Variants in CYP4F3 observed in about 807,000 individuals in gnomAD.
The protein encoded by CYP4F3 is cytochrome P450 family 4 subfamily F member 3.
In CYP4F3, 50 loss-of-function variants were observed where a neutral mutation model predicts 54.8. The observed-to-expected ratio is 0.91, with a 90% CI of 0.73 to 1.16. The LOEUF (loss-of-function observed/expected upper bound fraction) is 1.16, where lower values mean the gene tolerates loss of function less well. Among genes scored for constraint, CYP4F3 ranks in the 50% most tolerant of loss-of-function variants. CYP4F3 has a pLI of 0.00. For missense variants in CYP4F3, 715 were observed against 676.2 expected (o/e 1.06, Z -0.64); for synonymous variants, 244 against 262.6 (o/e 0.93, Z 0.69).
At chr19:15,647,370 G>A (rs758036962) in intron 5 of CYP4F3, 46 bp downstream of exon 5, 2 of 1,612,098 alleles carry the variant, frequency 1.2e-6, no homozygotes, top group South Asian at 2.2e-5. Context: ...TTTGGTTGGG[G>A]GGAACCACAG....
Position 15,662,234 on chromosome 19 carries a change from G to T in CYP4F3, c.*2849G>T, listed in dbSNP as rs1343802987. 4 of 123,644 alleles carry T rather than the reference G, an allele frequency of 3.2e-5. No individual in the cohort carries two copies. Among genetic ancestry groups the T allele is most frequent in the Admixed American group, 2.1e-4 (2 of 9,594 alleles). The allele number at this position is 123,644 out of a possible 1,614,324, so 7.7% of individuals were successfully genotyped here. Reference sequence around the variant, plus strand: ...TTCAGTGAGCCGAGATTGTGCCACTGCACTCCAGCCTGGGTGAAAGAGCTA... The same window carrying T: ...TTCAGTGAGCCGAGATTGTGCCACTTCACTCCAGCCTGGGTGAAAGAGCTA... On this transcript the variant is annotated 3_prime_UTR_variant, in exon 13 of 13. Coordinates refer to ENST00000221307, the MANE Select transcript of CYP4F3 (RefSeq NM_000896.3).
chr19:15,648,875 C>T (rs1972704001), intron 5 of CYP4F3, among the ~76,000 whole-genome samples: 1 of 152,162 alleles, frequency 6.6e-6, no homozygotes, highest in South Asian at 2.1e-4. Flanking sequence ...TCCTGAATAT[C>T]TGACAGGTGG....
At chr19:15,643,397 TATAGGTAAATAG>T (rs1431252419) in intron 2 of CYP4F3, among the ~76,000 whole-genome samples, 135 of 141,164 alleles carry the variant, frequency 9.6e-4, no homozygotes, top group African/African-American at 3.4e-3. Flanking sequence ...TAGAGATATA[TATAGGTAAATAG>T]ATAGATAGAT....
At chr19:15,655,996 G>T (rs774530352) in intron 9 of CYP4F3, among the ~76,000 whole-genome samples, 2 of 152,076 alleles carry the variant, frequency 1.3e-5, no homozygotes, top group African/African-American at 2.4e-5. Flanking sequence ...CACCAGGCTG[G>T]GCAGCAGATC....
At chr19:15,646,938 C>T in intron 3 of CYP4F3, 114 bp from the exon 4 acceptor site, 1 of 1,457,488 alleles carries the variant, frequency 6.9e-7, no homozygotes, top group Non-Finnish European at 9.4e-7. Context: ...CCTCTTCTTG[C>T]TATGTGGGGC....
chr19:15,655,332 C>T (rs904078410), intron 9 of CYP4F3, among the ~76,000 whole-genome samples: 5 of 152,088 alleles, frequency 3.3e-5, no homozygotes, highest in African/African-American at 9.7e-5. Context: ...GTTGATTCTT[C>T]GCTTTGTTGA....
At position 15,649,959 on chromosome 19, in the gene CYP4F3, G is replaced by C. The variant is rs769018138; in HGVS notation, c.694G>C (p.Val232Leu). ...CGCCATCTTGGAGCTCAGTGCCCTT[G>C]TGACAAAAAGACACCAGCAGATCCT... ...IAAILELSAL[V>L]TKRHQQILLY... The change falls in exon 7 of 13, where the codon GTG becomes CTG. Residue 232 changes from valine (V) to leucine (L), a missense_variant. Transcript: ENST00000221307. The C allele has an allele frequency of 3.7e-5, 59 of 1,614,008 alleles. No individual in the cohort carries two copies. Among genetic ancestry groups the C allele is most frequent in the Non-Finnish European group, 4.4e-5 (52 of 1,180,016 alleles).
rs1163701920 is a variant in CYP4F3 at position 15,649,970 on chromosome 19, A to G, written c.705A>G (p.Arg235=). 7.4e-6 allele frequency: 12 copies of G among 1,614,134 alleles called. No individual in the cohort carries two copies. The highest frequency in any genetic ancestry group is 1.0e-5 in the Non-Finnish European group (12 of 1,180,022). ...ILELSALVTK[R]HQQILLYIDF... is the part of the protein sequence containing the mutation. ...AGCTCAGTGCCCTTGTGACAAAAAG[A>G]CACCAGCAGATCCTCCTGTACATAG... The change falls in exon 7 of 13, where the codon AGA becomes AGG. Residue 235 remains arginine, a synonymous_variant. Transcript: ENST00000221307.
chr19:15,652,031 A>G (rs1047053069), intron 7 of CYP4F3, among the ~76,000 whole-genome samples: 2 of 151,626 alleles, frequency 1.3e-5, no homozygotes, highest in Admixed American at 6.6e-5. Context: ...AAGGCACCCT[A>G]TATTATGAGT....
intron 2 of CYP4F3, chr19:15,644,045 G>T: frequency 1.3e-6 from 2 of 1,583,530 alleles, no homozygotes; most frequent in Non-Finnish European, 8.6e-7. Flanking sequence ...TGTCATCAAC[G>T]CCTCAGGTAC....
In CYP4F3 at chr19:15,661,303, A is replaced by AAAACAAAACAAAAC. The variant is rs1568406494; in HGVS notation, c.*1918_*1919insAAACAAAACAAAAC. The AAAACAAAACAAAAC allele has an allele frequency of 3.3e-5, 5 of 151,324 alleles. No individual in the cohort carries two copies. The highest frequency in any genetic ancestry group is 9.8e-5 in the African/African-American group (4 of 41,000). 9.4% of individuals were successfully genotyped at this position (151,324 alleles called of 1,614,324 possible). A position where few individuals can be genotyped will look rare whatever the true frequency, so the allele number is the denominator to read the frequency against. The stretch of plus-strand genomic sequence containing the variant: ...CAAAACAAAACAAAACAAAACAAAA[A>AAAACAAAACAAAAC]CAAAACAAAACAAAACAAAACACTG... On this transcript the variant is annotated 3_prime_UTR_variant, in exon 13 of 13. Coordinates refer to ENST00000221307, the MANE Select transcript of CYP4F3 (RefSeq NM_000896.3).
chr19:15,652,843 G>A lies in CYP4F3; in HGVS notation c.1006G>A (p.Gly336Ser), dbSNP rs1270928930. 1.2e-6 allele frequency: 2 copies of A among 1,612,982 alleles called. No individual in the cohort carries two copies. Among genetic ancestry groups the A allele is most frequent in the Non-Finnish European group, 1.7e-6 (2 of 1,179,518 alleles). ...CCCAGGCCATGACACCACAGCCAGT[G>A]GTCTCTCCTGGGTCCTGTACCACCT... ...MFEGHDTTASGLSWVLYHLAK... is the reference protein window; with the variant it reads ...MFEGHDTTASSLSWVLYHLAK... The change falls in exon 9 of 13, where the codon GGT (glycine) becomes AGT (serine). Residue 336 changes from glycine to serine, a missense_variant. By Grantham distance (56) the Gly-to-Ser change is moderately conservative. Coordinates refer to ENST00000221307, the MANE Select transcript of CYP4F3 (RefSeq NM_000896.3).
intron 11 of CYP4F3, 30 bp from the exon 12 acceptor site, chr19:15,658,697 C>T: frequency 6.2e-7 from 1 of 1,613,014 alleles, no homozygotes; most frequent in Non-Finnish European, 8.5e-7. Context: ...GGAGACCCCA[C>T]CCGGCAACCC....
In CYP4F3 at chr19:15,660,492, A is replaced by G. The variant is rs914167291; in HGVS notation, c.*1107A>G. The G allele has an allele frequency of 4.6e-5, 7 of 152,062 alleles. No homozygotes were observed. The highest frequency in any genetic ancestry group is 1.0e-4 in the Non-Finnish European group (7 of 68,020). 9.4% of individuals were successfully genotyped at this position (152,062 alleles called of 1,614,324 possible). A position where few individuals can be genotyped will look rare whatever the true frequency, so the allele number is the denominator to read the frequency against. On this transcript the variant is annotated 3_prime_UTR_variant, in exon 13 of 13. Transcript: ENST00000221307. The stretch of plus-strand genomic sequence containing the variant: ...AGGTGACATTTTAGCTTTCCCAGGT[A>G]AAAGTGGTTTTCATCCTCACACCAA...
chr19:15,658,133 G>A (rs1973076811), intron 9 of CYP4F3, 131 bp from the exon 10 acceptor site: 4 of 1,541,250 alleles, frequency 2.6e-6, no homozygotes, highest in African/African-American at 2.8e-5. Flanking sequence ...TTATTCCTGC[G>A]ACTTTGTAAC....
chr19:15,649,784 T>A, intron 6 of CYP4F3, 129 bp from the exon 7 acceptor site: 7 of 1,315,530 alleles, frequency 5.3e-6, no homozygotes, highest in Non-Finnish European at 7.4e-6. Flanking sequence ...CCATCCTGCA[T>A]CTGAGGGGCC....
chr19:15,647,367 G>A, intron 5 of CYP4F3, 43 bp downstream of exon 5: 3 of 1,612,070 alleles, frequency 1.9e-6, no homozygotes, highest in Non-Finnish European at 2.5e-6. Flanking sequence ...GCCTTTGGTT[G>A]GGGGGAACCA....
intron 2 of CYP4F3, among the ~76,000 whole-genome samples, chr19:15,643,613 G>A (rs968262447): frequency 6.6e-6 from 1 of 152,098 alleles, no homozygotes; most frequent in South Asian, 2.1e-4. Context: ...GGCCTGAGAC[G>A]GTGGAGTTCT....
chr19:15,657,336 G>A lies in CYP4F3; in HGVS notation c.1116-928G>A, dbSNP rs546232207. Among the ~76,000 whole-genome samples, 4 of 152,288 alleles carry A rather than the reference G, an allele frequency of 2.6e-5. No homozygotes were observed. The East Asian group carries it at 7.7e-4, about 29-fold the overall frequency. On this transcript the variant is annotated intron_variant, in intron 9 of 12. Coordinates refer to ENST00000221307, the MANE Select transcript of CYP4F3 (RefSeq NM_000896.3). ...TTTTTGAGACAGTTTCACTCTTGTT[G>A]CCCAGGCTGGAGTGCAATGGTGTGA... is the stretch of plus-strand genomic sequence containing the variant.
Sources: gnomAD v4.1 joint callset for allele counts (sites outside exome capture counted in the v4.1 genomes callset) on GRCh38, gnomAD v4.1.1 for gene constraint, MANE v1.5 for transcripts, NCBI Gene and HGNC (gene_info 2026-07-23, HGNC 2026-07-21) for gene names.